Variants in OR2AT4 observed in about 807,000 individuals in gnomAD.
OR2AT4 encodes olfactory receptor family 2 subfamily AT member 4.
A neutral mutation model predicts 10.3 loss-of-function variants in OR2AT4; 6 were observed. That is an observed-to-expected ratio of 0.58 (90% CI 0.32 to 1.15). The LOEUF is 1.15. OR2AT4 is among the 50% of genes most tolerant of loss of function. The pLI is 0.05. For synonymous variants in OR2AT4, 145 were observed against 159.1 expected (o/e 0.91, Z 0.67); for missense variants, 354 against 393.8 (o/e 0.90, Z 0.85).
exon 2 of OR2AT4, chr11:75,084,740 A>T (rs1464700186): frequency 6.6e-6 from 1 of 152,220 alleles, no homozygotes; most frequent in Non-Finnish European, 1.5e-5. Context: ...GTGATTGGGA[A>T]AATCTTCCAA....
At chr11:75,095,022 G>A (rs1054131134) in intron 1 of OR2AT4, among the ~76,000 whole-genome samples, 1 of 152,132 alleles carries the variant, frequency 6.6e-6, no homozygotes, top group African/African-American at 2.4e-5. Context: ...ACCGAGTTAG[G>A]CTGAATTGGG....
At chr11:75,089,558 C>T in exon 2 of OR2AT4, 1 of 1,614,092 alleles carries the variant, frequency 6.2e-7, no homozygotes, top group Non-Finnish European at 8.5e-7. Flanking sequence ...CCACCACGGC[C>T]ACCAGGATCA....
At chr11:75,084,197 T>C (rs1428023110) in exon 2 of OR2AT4, 1 of 152,088 alleles carries the variant, frequency 6.6e-6, no homozygotes, top group African/African-American at 2.4e-5. Flanking sequence ...TGGGGACTAA[T>C]AGAGGGTGGA....
chr11:75,089,121 G>A, exon 2 of OR2AT4: 1 of 1,614,016 alleles, frequency 6.2e-7, no homozygotes, highest in Admixed American at 1.7e-5. Flanking sequence ...GGTCTGGGGG[G>A]TGGTGTCAGA....
At chr11:75,083,054 G>A (rs893128040) in exon 2 of OR2AT4, 1 of 150,004 alleles carries the variant, frequency 6.7e-6, no homozygotes, top group African/African-American at 2.5e-5. Flanking sequence ...CTTCCAGCCT[G>A]GGCGACAGAA....
exon 2 of OR2AT4, chr11:75,085,883 C>A (rs891964141): frequency 7.9e-5 from 12 of 152,080 alleles, no homozygotes; most frequent in African/African-American, 2.9e-4. Flanking sequence ...AATAACCAAA[C>A]AACTGCAAAA....
intron 1 of OR2AT4, among the ~76,000 whole-genome samples, chr11:75,095,421 G>T (rs2140281203): frequency 6.6e-6 from 1 of 152,096 alleles, no homozygotes; most frequent in African/African-American, 2.4e-5. Flanking sequence ...CTCTTTCCTG[G>T]GCTCTTGAAG....
intron 1 of OR2AT4, among the ~76,000 whole-genome samples, chr11:75,091,405 T>G (rs549390738): frequency 1.3e-5 from 2 of 152,100 alleles, no homozygotes; most frequent in Middle Eastern, 6.8e-3. Flanking sequence ...TTAAAGAAAA[T>G]AGAGGAAATG....
At chr11:75,084,385 G>A (rs1464428012) in exon 2 of OR2AT4, 1 of 152,136 alleles carries the variant, frequency 6.6e-6, no homozygotes, top group East Asian at 1.9e-4. Flanking sequence ...AAATTGAAGG[G>A]AGAAATGGAC....
intron 1 of OR2AT4, among the ~76,000 whole-genome samples, chr11:75,094,940 C>T (rs929651045): frequency 6.6e-6 from 1 of 152,150 alleles, no homozygotes; most frequent in South Asian, 2.1e-4. Flanking sequence ...TTTTCTAATA[C>T]CCAAAGAGAT....
chr11:75,087,269 G>A (rs1405474421), exon 2 of OR2AT4: 1 of 152,132 alleles, frequency 6.6e-6, no homozygotes, highest in Non-Finnish European at 1.5e-5. Context: ...GAGGAAGTTA[G>A]GTGAAGGATA....
chr11:75,088,636 C>A, exon 2 of OR2AT4: 1 of 1,042,990 alleles, frequency 9.6e-7, no homozygotes, highest in Non-Finnish European at 1.3e-6. Flanking sequence ...TTTTATACAA[C>A]AACTTAAGAT....
rs7122948 is a variant in OR2AT4, at chr11:75,089,784, A to G, written c.-71T>C. 0.18 allele frequency: 258,657 copies of G among 1,466,994 alleles called. 25,342 individuals are homozygous for G. Among genetic ancestry groups the G allele is most frequent in the East Asian group, 0.41 (18,135 of 44,026 alleles). The allele number at this position is 1,466,994 out of a possible 1,614,324, so 90.9% of individuals were successfully genotyped here. On this transcript the variant is annotated 5_prime_UTR_variant, in exon 2 of 2. An upstream start codon of the reference 5' UTR is lost. Coordinates refer to ENST00000641504, the Ensembl canonical transcript of OR2AT4. Reference sequence around the variant, plus strand: ...TAGACATTGGAAACATCTGGAAACCATAGAAACAAAGGATTCTGGAGTGAT... The same window carrying G: ...TAGACATTGGAAACATCTGGAAACCGTAGAAACAAAGGATTCTGGAGTGAT...
intron 1 of OR2AT4, among the ~76,000 whole-genome samples, chr11:75,093,639 G>T (rs370618148): frequency 8.5e-5 from 13 of 152,134 alleles, no homozygotes; most frequent in African/African-American, 3.1e-4. Flanking sequence ...TGACCCTGAT[G>T]ATTCCAAGAT....
At chr11:75,092,093 G>A (rs1949322691) in intron 1 of OR2AT4, among the ~76,000 whole-genome samples, 1 of 152,086 alleles carries the variant, frequency 6.6e-6, no homozygotes, top group South Asian at 2.1e-4. Flanking sequence ...TGAATAGGTG[G>A]GCACTTTACA....
At chr11:75,090,099 G>T in exon 2 of OR2AT4, 1 of 179,536 alleles carries the variant, frequency 5.6e-6, no homozygotes, top group South Asian at 1.5e-4. Context: ...TTGTGAAAGT[G>T]CTTTGGAAAG....
chr11:75,089,743 G>A, exon 2 of OR2AT4: 2 of 1,583,912 alleles, frequency 1.3e-6, no homozygotes, highest in Middle Eastern at 2.1e-4. Context: ...TCTCAGAGAT[G>A]GGCAGCTGGA....
chr11:75,089,540 G>A, exon 2 of OR2AT4: 1 of 1,614,116 alleles, frequency 6.2e-7, no homozygotes, highest in South Asian at 1.1e-5. Context: ...TGTGGAGGCT[G>A]GGCTCTGCCA....
exon 2 of OR2AT4, chr11:75,088,587 T>A (rs1764754801): frequency 2.9e-6 from 2 of 688,780 alleles, no homozygotes; most frequent in African/African-American, 1.9e-5. Flanking sequence ...ATTTTTTTTT[T>A]ATTTTAGTAA....
Sources: gnomAD v4.1 joint callset for allele counts (sites outside exome capture counted in the v4.1 genomes callset) on GRCh38, gnomAD v4.1.1 for gene constraint, MANE v1.5 for transcripts, NCBI Gene and HGNC (gene_info 2026-07-23, HGNC 2026-07-21) for gene names.